CHRM3: variants seen among roughly 807,000 people sequenced by gnomAD.
CHRM3 encodes muscarinic acetylcholine receptor M3.
Under a neutral mutation model 41.8 loss-of-function variants are expected in CHRM3, and 11 were observed. The ratio of observed to expected loss-of-function variants is 0.26; its 90% CI spans 0.17 to 0.44. The LOEUF (loss-of-function observed/expected upper bound fraction) is 0.44. CHRM3 is among the 20% of genes least tolerant of loss of function. CHRM3 has a pLI of 1.00. For synonymous variants in CHRM3, 297 were observed against 301.4 expected, an observed-to-expected ratio of 0.99 and a Z score of 0.15; for missense variants, 571 against 745.4, an observed-to-expected ratio of 0.77 and a Z score of 2.72.
At chr1:239,906,305 T>G (rs1337264958) in intron 6 of CHRM3, among the ~76,000 whole-genome samples, 1 of 152,198 alleles carries the variant, frequency 6.6e-6, no homozygotes, top group African/African-American at 2.4e-5. Context: ...GAGTTTATTG[T>G]TGAAGATTTT....
At chr1:239,608,094 G>T (rs190290172) in intron 3 of CHRM3, among the ~76,000 whole-genome samples, 1 of 152,200 alleles carries the variant, frequency 6.6e-6, no homozygotes. Flanking sequence ...ACCTTTATTT[G>T]TATAGGCTCC....
chr1:239,407,440 A>AGC (rs1553294409), intron 1 of CHRM3, among the ~76,000 whole-genome samples: 13 of 150,172 alleles, frequency 8.7e-5, no homozygotes, highest in Non-Finnish European at 1.5e-4. Context: ...AGAGAGAGAG[A>AGC]GCGCTAAATT....
chr1:239,758,149 G>A (rs891309231), intron 5 of CHRM3, among the ~76,000 whole-genome samples: 11 of 152,140 alleles, frequency 7.2e-5, no homozygotes. Context: ...TGAGGGTAGG[G>A]AAAAGCTTGT....
chr1:239,808,945 G>A (rs190246122), intron 5 of CHRM3, among the ~76,000 whole-genome samples: 1 of 151,928 alleles, frequency 6.6e-6, no homozygotes, highest in East Asian at 1.9e-4. Flanking sequence ...TTTTACAAAA[G>A]GAAGAAATGA....
In CHRM3 at chr1:239,506,072, C is replaced by T. The variant is rs188582934; in HGVS notation, c.-422+13265C>T. On this transcript the variant is annotated intron_variant, in intron 2 of 6. Transcript: ENST00000676153. Reference sequence around the variant, plus strand: ...TGACTTGGGTGCTGTTAAAGGCATTCAGTTTTATAAAAGAAACAGAGCATA... The same window carrying T: ...TGACTTGGGTGCTGTTAAAGGCATTTAGTTTTATAAAAGAAACAGAGCATA... 1.1e-4 allele frequency among the ~76,000 whole-genome samples: 16 copies of T among 152,120 alleles called. No homozygotes were observed. The East Asian group carries it at 2.9e-3, about 28-fold the overall frequency.
At chr1:239,668,427 C>T (rs1419002223) in intron 4 of CHRM3, among the ~76,000 whole-genome samples, 2 of 152,068 alleles carry the variant, frequency 1.3e-5, no homozygotes, top group African/African-American at 2.4e-5. Context: ...CCCCACTTCT[C>T]GAACCTCTTT....
intron 3 of CHRM3, among the ~76,000 whole-genome samples, chr1:239,618,697 A>C (rs1010396779): frequency 6.6e-6 from 1 of 150,762 alleles, no homozygotes; most frequent in Non-Finnish European, 1.5e-5. Context: ...ACAAAAAATT[A>C]GCTGGGCGTG....
intron 1 of CHRM3, among the ~76,000 whole-genome samples, chr1:239,424,160 C>G (rs1002833772): frequency 2.6e-5 from 4 of 151,682 alleles, no homozygotes; most frequent in Non-Finnish European, 5.9e-5. Flanking sequence ...CAATGTGCTT[C>G]CATAGATTTC....
intron 5 of CHRM3, among the ~76,000 whole-genome samples, chr1:239,774,070 C>T (rs528473447): frequency 6.6e-6 from 1 of 152,268 alleles, no homozygotes; most frequent in East Asian, 1.9e-4. Context: ...GAAAATACCA[C>T]GTGTCTCATG....
intron 2 of CHRM3, among the ~76,000 whole-genome samples, chr1:239,508,883 A>G (rs929867641): frequency 1.3e-5 from 2 of 152,176 alleles, no homozygotes; most frequent in Non-Finnish European, 2.9e-5. Flanking sequence ...GTATTGTGAG[A>G]TGATAACTTG....
intron 6 of CHRM3, among the ~76,000 whole-genome samples, chr1:239,900,705 T>C (rs1679476419): frequency 6.6e-6 from 1 of 152,068 alleles, no homozygotes; most frequent in African/African-American, 2.4e-5. Flanking sequence ...AGGTGCTGAA[T>C]ATTCCCTTGG....
intron 1 of CHRM3, among the ~76,000 whole-genome samples, chr1:239,410,388 T>A (rs1202039437): frequency 6.6e-6 from 1 of 152,220 alleles, no homozygotes; most frequent in Non-Finnish European, 1.5e-5. Flanking sequence ...CTTTAGATAC[T>A]GTGTGTCTTT....
intron 5 of CHRM3, chr1:239,707,597 G>A (rs1661321887): frequency 6.6e-6 from 1 of 152,156 alleles, no homozygotes; most frequent in South Asian, 2.1e-4. Flanking sequence ...GCGCGATATT[G>A]GGCCTGCAGA....
chr1:239,716,268 A>G (rs1021622484), intron 5 of CHRM3, among the ~76,000 whole-genome samples: 17 of 152,090 alleles, frequency 1.1e-4, no homozygotes, highest in African/African-American at 2.7e-4. Flanking sequence ...GAGTGGAAAT[A>G]CAAAGTCGGT....
Position 239,588,680 on chromosome 1 carries a change from A to C in CHRM3, c.-313+42931A>C, listed in dbSNP as rs113713199. On this transcript the variant is annotated intron_variant, in intron 3 of 6. Coordinates refer to ENST00000676153, the MANE Select transcript of CHRM3 (RefSeq NM_001375978.1). ...TTTTGTCCTGTGACAAAAGAACCAA[A>C]ATGCCACTAGACCAGATGCACAAGG... Among the ~76,000 whole-genome samples the C allele has an allele frequency of 9.3e-3, 1,409 of 152,272 alleles. 20 individuals carry two copies. Among genetic ancestry groups the C allele is most frequent in the African/African-American group, 0.033 (1,355 of 41,558 alleles).
chr1:239,649,982 A>G (rs1351797677), intron 4 of CHRM3, among the ~76,000 whole-genome samples: 1 of 152,214 alleles, frequency 6.6e-6, no homozygotes, highest in Non-Finnish European at 1.5e-5. Context: ...TTCTAAAGAA[A>G]GAAGCCATGT....
At chr1:239,838,709 T>C (rs1673534935) in intron 6 of CHRM3, among the ~76,000 whole-genome samples, 1 of 152,172 alleles carries the variant, frequency 6.6e-6, no homozygotes, top group Admixed American at 6.5e-5. Context: ...GAATTTCCCA[T>C]GATATGGCAG....
intron 4 of CHRM3, among the ~76,000 whole-genome samples, chr1:239,669,105 G>C (rs554130226): frequency 9.2e-5 from 14 of 152,092 alleles, no homozygotes; most frequent in African/African-American, 3.1e-4. Context: ...CCTTGGTGCC[G>C]GGGCTGGAAT....
chr1:239,650,132 C>A (rs183111567), intron 4 of CHRM3, among the ~76,000 whole-genome samples: 1 of 152,172 alleles, frequency 6.6e-6, no homozygotes, highest in African/African-American at 2.4e-5. Flanking sequence ...GGAGTTGGCT[C>A]TCAGCTCTGT....
Sources: gnomAD v4.1 joint callset for allele counts (sites outside exome capture counted in the v4.1 genomes callset) on GRCh38, gnomAD v4.1.1 for gene constraint, MANE v1.5 for transcripts, NCBI Gene and HGNC (gene_info 2026-07-23, HGNC 2026-07-21) for gene names.